PPP2R5C: variants seen among roughly 807,000 people sequenced by gnomAD.
PPP2R5C encodes the protein serine/threonine-protein phosphatase 2A 56 kDa regulatory subunit gamma isoform.
Under a neutral mutation model 68.9 loss-of-function variants are expected in PPP2R5C, and 7 were observed. The ratio of observed to expected loss-of-function variants is 0.10; its 90% CI spans 0.06 to 0.19. The LOEUF is 0.19. Among genes scored for constraint, PPP2R5C ranks in the 10% least tolerant of loss-of-function variants. The pLI is 1.00. For synonymous variants in PPP2R5C, 210 were observed against 222.2 expected, an observed-to-expected ratio of 0.95 and a Z score of 0.49; for missense variants, 348 against 641.3, an observed-to-expected ratio of 0.54 and a Z score of 4.94.
intron 1 of PPP2R5C, chr14:101,820,913 C>A (rs1340650629): frequency 2.0e-5 from 3 of 151,628 alleles, no homozygotes; most frequent in Admixed American, 6.6e-5. Context: ...ATGGATATAA[C>A]CCCCATAATC....
At chr14:101,809,797 T>TCAG (rs1566856350), upstream of PPP2R5C, 1 of 1,339,030 alleles carries the variant, frequency 7.5e-7, no homozygotes. Context: ...TTCCGGCCAA[T>TCAG]CAGCGAGCTT....
chr14:101,847,437 G>T (rs1234627988), intron 1 of PPP2R5C, among the ~76,000 whole-genome samples: 1 of 152,072 alleles, frequency 6.6e-6, no homozygotes, highest in Non-Finnish European at 1.5e-5. Flanking sequence ...CCCAGCAACT[G>T]CAGCCTCTCC....
In PPP2R5C at chr14:101,906,576, G is replaced by T; in HGVS notation, c.1151+47G>T. The T allele has an allele frequency of 6.4e-7, 1 of 1,554,884 alleles. No individual in the cohort carries two copies. Among genetic ancestry groups the T allele is most frequent in the Non-Finnish European group, 8.7e-7 (1 of 1,149,420 alleles). Reference sequence around the variant, plus strand: ...TCTTTTTCAGTCATTTTAAAATATGGCACGTTTTACTGCTACTTCAGTAAG... The same window carrying T: ...TCTTTTTCAGTCATTTTAAAATATGTCACGTTTTACTGCTACTTCAGTAAG... On this transcript the variant is annotated intron_variant, in intron 10 of 13. Transcript: ENST00000334743. The surrounding 1 kb of genome is among the most constrained non-coding windows in gnomAD (Gnocchi z 4.0).
intron 1 of PPP2R5C, among the ~76,000 whole-genome samples, chr14:101,830,200 T>A (rs1566880512): frequency 6.6e-6 from 1 of 152,056 alleles, no homozygotes; most frequent in Non-Finnish European, 1.5e-5. Flanking sequence ...CATAGGAGAG[T>A]GAGAATTTCC....
Position 101,916,597 on chromosome 14 carries a change from G to A in PPP2R5C, c.1327-1234G>A, listed in dbSNP as rs941173335. On this transcript the variant is annotated intron_variant, in intron 12 of 13. Transcript: ENST00000334743. This position sits in a 1 kb window ranked among gnomAD's most constrained non-coding sequence, Gnocchi z 5.5. Reference sequence around the variant, plus strand: ...CCGGGAAGGGCTTAGCAGCCAGAGGGCACCCATAGGCCTCATGCCAGAGGT... The same window carrying A: ...CCGGGAAGGGCTTAGCAGCCAGAGGACACCCATAGGCCTCATGCCAGAGGT... Among the ~76,000 whole-genome samples, 1 of 151,894 alleles carries A rather than the reference G, an allele frequency of 6.6e-6. No individual in the cohort carries two copies. The highest frequency in any genetic ancestry group is 2.4e-5 in the African/African-American group (1 of 41,342).
rs1178724645 is a variant in PPP2R5C, at chr14:101,877,874, T to C, written c.295-4287T>C. ...GACTTTCAATCAATCAGAATTGGCC[T>C]GGAATGAACCTTCCCGGACCTAGGT... is the stretch of plus-strand genomic sequence containing the variant. On this transcript the variant is annotated intron_variant, in intron 2 of 13. Transcript: ENST00000334743. The surrounding 1 kb of genome is among the most constrained non-coding windows in gnomAD (Gnocchi z 4.2). Among the ~76,000 whole-genome samples, 1 of 152,226 alleles carries C rather than the reference T, an allele frequency of 6.6e-6. No homozygotes were observed. Among genetic ancestry groups the C allele is most frequent in the African/African-American group, 2.4e-5 (1 of 41,448 alleles).
chr14:101,769,751 A>G (rs1051354690), intron 2 of PPP2R5C, among the ~76,000 whole-genome samples: 1 of 152,220 alleles, frequency 6.6e-6, no homozygotes, highest in African/African-American at 2.4e-5. Context: ...TCTTGGTTAA[A>G]AGGTCAGTGG....
intron 2 of PPP2R5C, among the ~76,000 whole-genome samples, chr14:101,868,726 A>G (rs1395059331): frequency 6.6e-6 from 1 of 152,202 alleles, no homozygotes; most frequent in African/African-American, 2.4e-5. Context: ...GGCATTGTGA[A>G]CCAAGAAGTT....
chr14:101,821,886 G>A (rs1317422544), intron 1 of PPP2R5C, among the ~76,000 whole-genome samples: 1 of 152,052 alleles, frequency 6.6e-6, no homozygotes, highest in Non-Finnish European at 1.5e-5. Context: ...CATGTTGTCT[G>A]ATTTTAGAAC....
At chr14:101,842,757 CTT>C (rs60913362) in intron 1 of PPP2R5C, among the ~76,000 whole-genome samples, 3 of 137,856 alleles carry the variant, frequency 2.2e-5, no homozygotes, top group Admixed American at 7.2e-5. Context: ...TGTCTTTTTT[CTT>C]TTTTTTTTTT....
chr14:101,883,803 C>G (rs976787088), intron 5 of PPP2R5C, among the ~76,000 whole-genome samples: 2 of 152,196 alleles, frequency 1.3e-5, no homozygotes, highest in African/African-American at 4.8e-5. Flanking sequence ...AGCTCCCCAG[C>G]GCCTCATCCT....
Position 101,893,664 on chromosome 14 carries a change from C to T in PPP2R5C, c.798+556C>T, listed in dbSNP as rs1051056701. On this transcript the variant is annotated intron_variant, in intron 7 of 13. Transcript: ENST00000334743. The stretch of plus-strand genomic sequence containing the variant: ...CCTCAGGAGGCTGAGGCAGGAGAAT[C>T]GCTTGAACCCGGGAGGCGGAGGTTG... Among the ~76,000 whole-genome samples, 24 of 152,238 alleles carry T rather than the reference C, an allele frequency of 1.6e-4. No individual in the cohort carries two copies. In the East Asian group the frequency reaches 3.9e-3, roughly 24 times the overall value.
chr14:101,805,354 GC>G (rs1169725380), upstream of PPP2R5C, among the ~76,000 whole-genome samples: 2 of 152,226 alleles, frequency 1.3e-5, no homozygotes, highest in African/African-American at 4.8e-5. Context: ...ACAGGTGTGA[GC>G]CACCACACCC....
At chr14:101,761,001 C>G (rs1247660202), upstream of PPP2R5C, among the ~76,000 whole-genome samples, 2 of 83,292 alleles carry the variant, frequency 2.4e-5, no homozygotes, top group South Asian at 4.6e-4. Flanking sequence ...ACGGGCTGGT[C>G]GAGAGAAGGG....
At chr14:101,912,462 G>A in exon 12 of PPP2R5C, 1 of 1,601,310 alleles carries the variant, frequency 6.2e-7, no homozygotes, top group East Asian at 2.3e-5. Flanking sequence ...TCTAGCCAAA[G>A]CCAATCCCCA....
intron 8 of PPP2R5C, among the ~76,000 whole-genome samples, chr14:101,897,047 G>A (rs895786525): frequency 6.6e-6 from 1 of 152,160 alleles, no homozygotes; most frequent in Non-Finnish European, 1.5e-5. Context: ...GTGCTACAGA[G>A]CCACGAGCTG....
chr14:101,904,264 C>T (rs1297007635), intron 9 of PPP2R5C, among the ~76,000 whole-genome samples: 1 of 152,130 alleles, frequency 6.6e-6, no homozygotes, highest in Non-Finnish European at 1.5e-5. Context: ...ATTCTCCTGT[C>T]TCAGCCTCCC....
At chr14:101,853,682 C>T (rs1842404583) in intron 1 of PPP2R5C, among the ~76,000 whole-genome samples, 1 of 152,174 alleles carries the variant, frequency 6.6e-6, no homozygotes, top group Non-Finnish European at 1.5e-5. Flanking sequence ...GCCCTCGTGT[C>T]CGTATCTGCC....
chr14:101,922,512 T>TAAAAAAAAAAAAA (rs2047067299), intron 13 of PPP2R5C, among the ~76,000 whole-genome samples: 1 of 143,238 alleles, frequency 7.0e-6, no homozygotes, highest in African/African-American at 2.8e-5. Flanking sequence ...AAATAATTTT[T>TAAAAAAAAAAAAA]AAAAAGAAAG....
Sources: gnomAD v4.1 joint callset for allele counts (sites outside exome capture counted in the v4.1 genomes callset) on GRCh38, gnomAD v4.1.1 for gene constraint, Gnocchi (gnomAD v3.1) non-coding constraint, MANE v1.5 for transcripts, NCBI Gene and HGNC (gene_info 2026-07-23, HGNC 2026-07-21) for gene names.